ITSN2: variants seen among roughly 807,000 people sequenced by gnomAD.
ITSN2 encodes the protein intersectin-2.
ITSN2 carries 156 observed loss-of-function variants against 243.7 expected under a neutral mutation model. That is an observed-to-expected ratio of 0.64 (90% confidence interval 0.56 to 0.73). The LOEUF (loss-of-function observed/expected upper bound fraction) is 0.73. ITSN2 is among the 30% of genes least tolerant of loss of function. The pLI is 0.00. For synonymous variants in ITSN2, 703 were observed against 699.9 expected (o/e 1.00, Z -0.07); for missense variants, 1,801 against 1,996.1 (o/e 0.90, Z 1.86).
At chr2:24,318,191 AGGCT>A (rs1269660555) in intron 2 of ITSN2, among the ~76,000 whole-genome samples, 1 of 152,172 alleles carries the variant, frequency 6.6e-6, no homozygotes, top group South Asian at 2.1e-4. Context: ...TCTGTTGCCC[AGGCT>A]GGAGTACAGA....
rs1574053882 is a variant in ITSN2, at chr2:24,260,611, T to C, written c.2682+495A>G. On this transcript the variant is annotated intron_variant, in intron 22 of 39. Transcript: ENST00000355123. Reference sequence around the variant, plus strand: ...AGCAACTTGGTATTATGGAAAAGAATTGTTGAGAAACCTAGGCCGGGCGCA... The same window carrying C: ...AGCAACTTGGTATTATGGAAAAGAACTGTTGAGAAACCTAGGCCGGGCGCA... Among the ~76,000 whole-genome samples, 3 of 152,232 alleles carry C rather than the reference T, an allele frequency of 2.0e-5. No homozygotes were observed. In the East Asian group the frequency reaches 5.8e-4, roughly 29 times the overall value.
intron 18 of ITSN2, 75 bp from the exon 19 acceptor site, chr2:24,272,016 G>C (rs945859565): frequency 3.2e-6 from 4 of 1,232,114 alleles, no homozygotes; most frequent in Non-Finnish European, 4.4e-6. Context: ...ACTAAGATCT[G>C]GTTCCTGTCA....
At chr2:24,268,785 A>T (rs1382448120) in intron 20 of ITSN2, among the ~76,000 whole-genome samples, 1 of 150,830 alleles carries the variant, frequency 6.6e-6, no homozygotes, top group Non-Finnish European at 1.5e-5. Context: ...CCCTCAACCC[A>T]CATTTCTCAT....
chr2:24,204,171 AAGC>A lies in ITSN2; in HGVS notation c.4936+71_4936+73del, dbSNP rs1668600096. The A allele has an allele frequency of 6.9e-7, 1 of 1,454,112 alleles. No homozygotes were observed. Among genetic ancestry groups the A allele is most frequent in the African/African-American group, 1.4e-5 (1 of 71,490 alleles). 90.1% of individuals were successfully genotyped at this position (1,454,112 alleles called of 1,614,324 possible). On this transcript the variant is annotated intron_variant, in intron 39 of 39. Coordinates refer to ENST00000355123, the MANE Select transcript of ITSN2 (RefSeq NM_006277.3). This position sits in a 1 kb window ranked among gnomAD's most constrained non-coding sequence, Gnocchi z 5.1. ...GTGGCATGGGGTCTGCACACAGCTGAAGCCCCTAGATCTGGACTCCAGGATCTA... is the reference window on the plus strand; with the variant it reads ...GTGGCATGGGGTCTGCACACAGCTGACCCTAGATCTGGACTCCAGGATCTA...
Position 24,274,053 on chromosome 2 carries a change from C to T in ITSN2, c.2081+1660G>A, listed in dbSNP as rs181799659. 9.3e-4 allele frequency among the ~76,000 whole-genome samples: 141 copies of T among 152,202 alleles called. 3 individuals are homozygous for T. In the East Asian group the frequency reaches 0.023, roughly 25 times the overall value. On this transcript the variant is annotated intron_variant, in intron 18 of 39. Transcript: ENST00000355123. The stretch of plus-strand genomic sequence containing the variant: ...GCATATAACTAGTATAATCTTTTGG[C>T]CTGAAAGGAATTGTGAACACGATGA...
chr2:24,294,965 A>G (rs1184151766), intron 14 of ITSN2, among the ~76,000 whole-genome samples: 1 of 152,188 alleles, frequency 6.6e-6, no homozygotes, highest in Non-Finnish European at 1.5e-5. Flanking sequence ...GCAAGCCCTC[A>G]TCGGACACTG....
chr2:24,261,049 A>AT (rs1675783616), intron 22 of ITSN2, 57 bp downstream of exon 22: 1 of 1,506,496 alleles, frequency 6.6e-7, no homozygotes, highest in African/African-American at 1.4e-5. Context: ...TTTTCATTCT[A>AT]TTTTAATCAG....
intron 1 of ITSN2, among the ~76,000 whole-genome samples, chr2:24,337,350 A>ATATATATATATG (rs1686560336): frequency 8.3e-6 from 1 of 120,238 alleles, no homozygotes; most frequent in African/African-American, 3.1e-5. Context: ...ATATATATAT[A>ATATATATATATG]TATGTAATTT....
intron 1 of ITSN2, among the ~76,000 whole-genome samples, chr2:24,351,914 A>ATTC (rs1336211408): frequency 4.6e-5 from 7 of 152,196 alleles, no homozygotes; most frequent in African/African-American, 1.7e-4. Flanking sequence ...TTCAAGTGAA[A>ATTC]AGGTGAAAGT....
intron 1 of ITSN2, chr2:24,335,125 G>A (rs1174913178): frequency 1.9e-5 from 4 of 214,730 alleles, no homozygotes; most frequent in East Asian, 1.2e-4. Context: ...GAAGAGATAA[G>A]AGAAAGGGCC....
rs1366108684 is a variant in ITSN2, at chr2:24,261,596, A to T, written c.2502T>A (p.Pro834=). Residue 834 remains proline (P), a synonymous_variant, in exon 21 of 40, where the codon CCT becomes CCA. Transcript: ENST00000355123. ...AVSPKKALLP[P]TVSLSATSTS... ...TTGAGGTAGCAGATAAAGAAACTGTAGGAGGAAGTAAGGCCTTCTTTGGAG... is the reference window on the plus strand; with the variant it reads ...TTGAGGTAGCAGATAAAGAAACTGTTGGAGGAAGTAAGGCCTTCTTTGGAG... The T allele has an allele frequency of 4.3e-6, 7 of 1,613,444 alleles. No individual in the cohort carries two copies. The highest frequency in any genetic ancestry group is 5.9e-6 in the Non-Finnish European group (7 of 1,179,634).
At chr2:24,330,040 T>C (rs750746070) in intron 1 of ITSN2, among the ~76,000 whole-genome samples, 3 of 152,236 alleles carry the variant, frequency 2.0e-5, no homozygotes, top group Non-Finnish European at 4.4e-5. Context: ...CCTTATTCAT[T>C]AGTTTTCTGT....
In ITSN2 at chr2:24,333,151, T is replaced by A. The variant is rs567836867; in HGVS notation, c.-33-5036A>T. Reference sequence around the variant, plus strand: ...AGAATGCAATCCCAAGCCTGTCTAATTCTTAAGCCCATGAACTTCCCATGG... The same window carrying A: ...AGAATGCAATCCCAAGCCTGTCTAAATCTTAAGCCCATGAACTTCCCATGG... On this transcript the variant is annotated intron_variant, in intron 1 of 39. Coordinates refer to ENST00000355123, the MANE Select transcript of ITSN2 (RefSeq NM_006277.3). Among the ~76,000 whole-genome samples, 53 of 152,346 alleles carry A rather than the reference T, an allele frequency of 3.5e-4. No homozygotes were observed. The South Asian group carries it at 0.011, about 31-fold the overall frequency.
chr2:24,330,591 A>G, intron 1 of ITSN2: 2 of 852,630 alleles, frequency 2.3e-6, no homozygotes, highest in Non-Finnish European at 4.0e-6. Flanking sequence ...TTATGCTGGC[A>G]AGGAGGGGAA....
chr2:24,267,157 G>C (rs567679111), intron 20 of ITSN2, among the ~76,000 whole-genome samples: 42 of 151,932 alleles, frequency 2.8e-4, no homozygotes, highest in Non-Finnish European at 5.3e-4. Context: ...AACACCACAT[G>C]TTCTCACTCA....
chr2:24,331,750 G>A (rs989873726), intron 1 of ITSN2, among the ~76,000 whole-genome samples: 5 of 152,162 alleles, frequency 3.3e-5, no homozygotes, highest in Admixed American at 6.5e-5. Flanking sequence ...CCACTGAGAC[G>A]GCACCTGTCA....
At chr2:24,315,433 A>G (rs898376605) in intron 2 of ITSN2, among the ~76,000 whole-genome samples, 1 of 152,242 alleles carries the variant, frequency 6.6e-6, no homozygotes, top group African/African-American at 2.4e-5. Context: ...AACAAGTGCT[A>G]TATCACACTC....
intron 2 of ITSN2, among the ~76,000 whole-genome samples, chr2:24,318,274 T>C (rs925464869): frequency 6.6e-6 from 1 of 152,132 alleles, no homozygotes; most frequent in African/African-American, 2.4e-5. Context: ...GCCGCCTGAG[T>C]AGCTGGGACT....
intron 29 of ITSN2, among the ~76,000 whole-genome samples, chr2:24,244,522 A>C (rs1406289861): frequency 6.6e-6 from 1 of 152,178 alleles, no homozygotes; most frequent in African/African-American, 2.4e-5. Context: ...ATAGAAGCCA[A>C]ATGTACTGAC....
Sources: allele counts gnomAD v4.1 joint callset (sites outside exome capture counted in the v4.1 genomes callset), GRCh38; gene constraint gnomAD v4.1.1; non-coding constraint Gnocchi (gnomAD v3.1); transcripts MANE v1.5; gene names NCBI Gene and HGNC (gene_info 2026-07-23, HGNC 2026-07-21).